MED13: variants seen among roughly 807,000 people sequenced by gnomAD.
MED13 encodes the protein mediator of RNA polymerase II transcription subunit 13.
MED13 carries 23 observed loss-of-function variants against 225.2 expected under a neutral mutation model. The observed-to-expected ratio is 0.10, with a 90% CI of 0.07 to 0.14. The LOEUF (loss-of-function observed/expected upper bound fraction) is 0.14. Among genes scored for constraint, MED13 ranks in the 10% least tolerant of loss-of-function variants. The pLI, the probability that MED13 is intolerant of heterozygous loss-of-function variation, is 1.00. For missense variants in MED13, 2,197 were observed against 2,594.5 expected, an observed-to-expected ratio of 0.85 and a Z score of 3.33; for synonymous variants, 942 against 889.2, an observed-to-expected ratio of 1.06 and a Z score of -1.06.
chr17:62,048,070 A>ATATATATATATATATATG, intron 3 of MED13, among the ~76,000 whole-genome samples: 5 of 146,358 alleles, frequency 3.4e-5, no homozygotes, highest in African/African-American at 1.2e-4. Flanking sequence ...ATATGTATAT[A>ATATATATATATATATATG]TGTATATATA....
At chr17:62,063,659 C>G (rs2081059203) in intron 1 of MED13, among the ~76,000 whole-genome samples, 1 of 152,192 alleles carries the variant, frequency 6.6e-6, no homozygotes, top group African/African-American at 2.4e-5. Flanking sequence ...AAACTTTTAA[C>G]TGAAAATCAA....
Position 61,946,646 on chromosome 17 carries a change from T to A in MED13, c.6393-46A>T, listed in dbSNP as rs886207990. 5.6e-6 allele frequency: 9 copies of A among 1,598,298 alleles called. No individual in the cohort carries two copies. The African/African-American group carries it at 1.1e-4, about 19-fold the overall frequency. ...ATAAGTCATTTATTTATTTCCAACC[T>A]AGATTTTGGAAGCAGTTTTCAATTA... is the stretch of plus-strand genomic sequence containing the variant. On this transcript the variant is annotated intron_variant, in intron 29 of 29. Coordinates refer to ENST00000397786, the MANE Select transcript of MED13 (RefSeq NM_005121.3).
Position 61,952,985 on chromosome 17 carries a change from G to T in MED13, c.6097C>A (p.His2033Asn). 6.2e-7 allele frequency: 1 copy of T among 1,613,714 alleles called. No individual in the cohort carries two copies. Among genetic ancestry groups the T allele is most frequent in the Non-Finnish European group, 8.5e-7 (1 of 1,179,872 alleles). Residue 2033 changes from histidine (H) to asparagine (N), a missense_variant, in exon 27 of 30, where the codon CAT becomes AAT. By Grantham distance (68) the His-to-Asn change is moderately conservative. Coordinates refer to ENST00000397786, the MANE Select transcript of MED13 (RefSeq NM_005121.3). ...PVHSPGSHYP[H>N]GGDAGKGQST... Reference sequence around the variant, plus strand: ...GTTACCTTGCCCGCATCACCTCCATGGGGGTAATGAGATCCTGGAGAATGT... The same window carrying T: ...GTTACCTTGCCCGCATCACCTCCATTGGGGTAATGAGATCCTGGAGAATGT...
rs2079833151 is a variant in MED13 at position 61,943,892 on chromosome 17, T to A, written c.*2576A>T. 2 of 152,614 alleles carry A rather than the reference T, an allele frequency of 1.3e-5. No individual in the cohort carries two copies. The highest frequency in any genetic ancestry group is 6.5e-5 in the Admixed American group (1 of 15,270). The allele number at this position is 152,614 out of a possible 1,614,324, so 9.5% of individuals were successfully genotyped here. On this transcript the variant is annotated 3_prime_UTR_variant, in exon 30 of 30. Transcript: ENST00000397786. ...TGTAACAAAGAAGTCAAGGTGTTGG[T>A]AATCCACTGCTATAAAGTATAATAT...
intron 3 of MED13, among the ~76,000 whole-genome samples, chr17:62,051,912 G>A (rs765266090): frequency 1.2e-4 from 19 of 152,122 alleles, no homozygotes; most frequent in Non-Finnish European, 2.1e-4. Context: ...ACGGAGAAGC[G>A]AGTAACCTGA....
chr17:62,058,057 A>G (rs2081009093), intron 2 of MED13, among the ~76,000 whole-genome samples: 1 of 152,246 alleles, frequency 6.6e-6, no homozygotes, highest in Admixed American at 6.5e-5. Flanking sequence ...AAATGATACA[A>G]TCTTGCTCTG....
chr17:61,946,416 G>A lies in MED13; in HGVS notation c.*52C>T, dbSNP rs373088508. The A allele has an allele frequency of 3.0e-5, 48 of 1,585,360 alleles. No individual in the cohort carries two copies. The highest frequency in any genetic ancestry group is 2.8e-4 in the African/African-American group (21 of 73,958). ...GATAATTGTAACTTAATCCTGCAGC[G>A]AAACATCCATTTTTCCTTGTTCTTT... On this transcript the variant is annotated 3_prime_UTR_variant, in exon 30 of 30. Coordinates refer to ENST00000397786, the MANE Select transcript of MED13 (RefSeq NM_005121.3).
Position 61,942,948 on chromosome 17 carries a change from T to C in MED13, c.*3520A>G, listed in dbSNP as rs750714479. The C allele has an allele frequency of 1.4e-4, 22 of 152,586 alleles. No homozygotes were observed. Among genetic ancestry groups the C allele is most frequent in the Non-Finnish European group, 2.8e-4 (19 of 68,002 alleles). The allele number at this position is 152,586 out of a possible 1,614,324, so 9.5% of individuals were successfully genotyped here. ...TTAAGGTCCACATATCCAGTTTACT[T>C]TGAAAACTAAAGATGTTTTAAAACT... On this transcript the variant is annotated 3_prime_UTR_variant, in exon 30 of 30. Coordinates refer to ENST00000397786, the MANE Select transcript of MED13 (RefSeq NM_005121.3).
chr17:61,995,688 A>C (rs2080341048), intron 9 of MED13, among the ~76,000 whole-genome samples: 1 of 152,190 alleles, frequency 6.6e-6, no homozygotes. Context: ...CATTCCCTGA[A>C]AGGGGCTCTT....
chr17:62,065,198 G>C lies in MED13; in HGVS notation c.8C>G (p.Ala3Gly). Residue 3 changes from alanine to glycine, a missense_variant, in exon 1 of 30, where the codon GCC (alanine) becomes GGC (glycine). Ala to Gly is a moderately conservative substitution (Grantham distance 60). Transcript: ENST00000397786. MS[A>G]SFVPNGASLE... ...GCTGGCCCCGTTCGGCACGAAGGAG[G>C]CACTCATCGTCCCTCACAGCAGCCG... The C allele has an allele frequency of 6.4e-7, 1 of 1,567,404 alleles. No individual in the cohort carries two copies. Among genetic ancestry groups the C allele is most frequent in the East Asian group, 2.5e-5 (1 of 39,706 alleles).
intron 3 of MED13, 140 bp from the exon 4 acceptor site, chr17:62,035,748 TG>T: frequency 1.4e-6 from 1 of 713,046 alleles, no homozygotes; most frequent in East Asian, 2.7e-5. Flanking sequence ...AAAAAAATCA[TG>T]GATATGAGCA....
intron 28 of MED13, among the ~76,000 whole-genome samples, chr17:61,948,468 G>A (rs1567935706): frequency 2.0e-5 from 3 of 152,054 alleles, no homozygotes; most frequent in African/African-American, 7.2e-5. Context: ...CTTTCCTTGT[G>A]TATTAATAAG....
chr17:62,002,900 C>A (rs2080409284), intron 9 of MED13, among the ~76,000 whole-genome samples: 1 of 152,216 alleles, frequency 6.6e-6, no homozygotes, highest in African/African-American at 2.4e-5. Context: ...TACCTTAACA[C>A]TTCTAACACT....
At chr17:61,976,175 TAATG>T (rs1418286101) in intron 16 of MED13, among the ~76,000 whole-genome samples, 1 of 152,182 alleles carries the variant, frequency 6.6e-6, no homozygotes, top group Admixed American at 6.6e-5. Context: ...ATCCATCAAC[TAATG>T]AATGGATAAA....
At chr17:61,990,560 G>T (rs1026188) in intron 11 of MED13, among the ~76,000 whole-genome samples, 1 of 148,616 alleles carries the variant, frequency 6.7e-6, no homozygotes, top group African/African-American at 2.5e-5. Flanking sequence ...ATATTTTTTA[G>T]TATGTGTGTA....
At position 61,982,209 on chromosome 17, in the gene MED13, G is replaced by C; in HGVS notation, c.3794C>G (p.Ser1265Cys). ...TTGGCATACTTTACCGTTTCTTTTG[G>C]ACCAGGGGTGTAAGCATGAACTTTT... ...LVKSSCLHPW[S>C]KRNDVSMQCS... Residue 1265 changes from serine to cysteine, a missense_variant, in exon 16 of 30, where the codon TCC becomes TGC. Ser to Cys is a moderately radical substitution (Grantham distance 112). Transcript: ENST00000397786. 1 of 1,610,302 alleles carries C rather than the reference G, an allele frequency of 6.2e-7. No homozygotes were observed. The highest frequency in any genetic ancestry group is 1.1e-5 in the South Asian group (1 of 90,442).
chr17:61,960,555 T>C lies in MED13; in HGVS notation c.5480+312A>G, dbSNP rs182254553. Among the ~76,000 whole-genome samples, 5 of 152,334 alleles carry C rather than the reference T, an allele frequency of 3.3e-5. No homozygotes were observed. In the East Asian group the frequency reaches 9.6e-4, roughly 29 times the overall value. ...ACATGAGAAAAGTTTAAATGTTCTATAGATACTTTACTAGACCATTTTTTT... is the reference window on the plus strand; with the variant it reads ...ACATGAGAAAAGTTTAAATGTTCTACAGATACTTTACTAGACCATTTTTTT... On this transcript the variant is annotated intron_variant, in intron 23 of 29. Coordinates refer to ENST00000397786, the MANE Select transcript of MED13 (RefSeq NM_005121.3).
intron 8 of MED13, among the ~76,000 whole-genome samples, chr17:62,021,563 C>A (rs1049402470): frequency 2.0e-5 from 3 of 152,242 alleles, no homozygotes; most frequent in Non-Finnish European, 4.4e-5. Flanking sequence ...TTCCTATGAA[C>A]ATTCCACCAC....
rs771795435 is a variant in MED13 at position 61,987,122 on chromosome 17, G to A, written c.2270C>T (p.Pro757Leu). The A allele has an allele frequency of 3.1e-6, 5 of 1,594,606 alleles. No individual in the cohort carries two copies. The South Asian group carries it at 4.6e-5, about 15-fold the overall frequency. ...LFSPSIKQDA[P>L]RPTSHARPPS... is the part of the protein sequence containing the mutation. The stretch of plus-strand genomic sequence containing the variant: ...AGGACGGGCATGACTAGTAGGGCGT[G>A]GAGCATCTACAAAAGTCAATCAGAA... Residue 757 changes from proline (P) to leucine (L), a missense_variant, in exon 12 of 30, where the codon CCA becomes CTA. By Grantham distance (98) the Pro-to-Leu change is moderately conservative. Coordinates refer to ENST00000397786, the MANE Select transcript of MED13 (RefSeq NM_005121.3).
Sources: gnomAD v4.1 joint callset for allele counts (sites outside exome capture counted in the v4.1 genomes callset) on GRCh38, gnomAD v4.1.1 for gene constraint, MANE v1.5 for transcripts, NCBI Gene and HGNC (gene_info 2026-07-23, HGNC 2026-07-21) for gene names.